Variants in STIM2 observed in about 807,000 individuals in gnomAD.
STIM2 encodes the protein stromal interaction molecule 2.
A neutral mutation model predicts 85.8 loss-of-function variants in STIM2; 31 were observed. That is an observed-to-expected ratio of 0.36 (90% CI 0.27 to 0.49). The LOEUF (loss-of-function observed/expected upper bound fraction) is 0.49. STIM2 is among the 20% of genes least tolerant of loss of function. The pLI, the probability that STIM2 is intolerant of heterozygous loss-of-function variation, is 0.98. For missense variants in STIM2, 841 were observed against 927.6 expected (o/e 0.91, Z 1.21); for synonymous variants, 356 against 331.1 (o/e 1.08, Z -0.82).
intron 2 of STIM2, among the ~76,000 whole-genome samples, chr4:26,930,304 G>A (rs889007291): frequency 2.6e-5 from 4 of 152,094 alleles, no homozygotes; most frequent in African/African-American, 9.7e-5. Flanking sequence ...CTCATTTTGT[G>A]ACTGAAAAGT....
intron 2 of STIM2, among the ~76,000 whole-genome samples, chr4:26,934,020 C>A (rs940756095): frequency 6.6e-6 from 1 of 151,942 alleles, no homozygotes; most frequent in African/African-American, 2.4e-5. Flanking sequence ...TTGCTGAAAC[C>A]TCGTCTCTAC....
At chr4:26,927,704 A>AG (rs1462452030) in intron 2 of STIM2, among the ~76,000 whole-genome samples, 20 of 128,162 alleles carry the variant, frequency 1.6e-4, no homozygotes, top group Non-Finnish European at 2.7e-4. Context: ...AAAAAAAAAA[A>AG]AAACTTGAAT....
chr4:26,967,134 A>G (rs1726754034), intron 3 of STIM2, among the ~76,000 whole-genome samples: 2 of 152,354 alleles, frequency 1.3e-5, no homozygotes, highest in Middle Eastern at 6.8e-3. Flanking sequence ...CACTTTTCAT[A>G]GAGGGAAATT....
chr4:26,880,874 C>G (rs1244554447), intron 1 of STIM2, among the ~76,000 whole-genome samples: 3 of 151,252 alleles, frequency 2.0e-5, no homozygotes, highest in Non-Finnish European at 4.4e-5. Flanking sequence ...TTTTATTCTT[C>G]TCTTGTATAC....
intron 1 of STIM2, among the ~76,000 whole-genome samples, chr4:26,893,863 T>C (rs1044699822): frequency 6.6e-6 from 1 of 152,148 alleles, no homozygotes; most frequent in African/African-American, 2.4e-5. Context: ...TGTTCATTTT[T>C]TTATTGAGTT....
chr4:26,877,564 G>A (rs1722858420), intron 1 of STIM2, among the ~76,000 whole-genome samples: 2 of 149,720 alleles, frequency 1.3e-5, no homozygotes, highest in African/African-American at 4.9e-5. Context: ...TTGAATGATA[G>A]AAGAACCTGT....
chr4:26,994,213 C>G (rs1309780577), intron 3 of STIM2, among the ~76,000 whole-genome samples: 2 of 152,222 alleles, frequency 1.3e-5, no homozygotes, highest in East Asian at 3.9e-4. Flanking sequence ...ACTTAAATGT[C>G]AAATGCATAC....
chr4:27,024,142 G>A lies in STIM2; in HGVS notation c.*1146G>A, dbSNP rs1031491028. 3.9e-5 allele frequency: 6 copies of A among 152,230 alleles called. No homozygotes were observed. Among genetic ancestry groups the A allele is most frequent in the African/African-American group, 1.4e-4 (6 of 41,428 alleles). 9.4% of individuals were successfully genotyped at this position (152,230 alleles called of 1,614,324 possible). A position where few individuals can be genotyped will look rare whatever the true frequency, so the allele number is the denominator to read the frequency against. ...TTTATGTAGTTTGAAATGTAAAAAT[G>A]TTCTAATATCAAGATTAACAAATAT... On this transcript the variant is annotated 3_prime_UTR_variant, in exon 12 of 12. Transcript: ENST00000467087.
intron 3 of STIM2, among the ~76,000 whole-genome samples, chr4:26,970,954 A>G (rs892793687): frequency 6.6e-6 from 1 of 152,136 alleles, no homozygotes; most frequent in South Asian, 2.1e-4. Context: ...ATGAGATGGT[A>G]TCTCATTGTG....
At chr4:26,873,834 G>A (rs540432210) in intron 1 of STIM2, 29 of 963,296 alleles carry the variant, frequency 3.0e-5, no homozygotes, top group Admixed American at 9.2e-5. Flanking sequence ...CTCAACCGCC[G>A]TAGTGGGTGG....
chr4:26,938,740 G>A (rs1358900373), intron 2 of STIM2, among the ~76,000 whole-genome samples: 1 of 152,148 alleles, frequency 6.6e-6, no homozygotes, highest in Non-Finnish European at 1.5e-5. Context: ...ATCTTCAGCA[G>A]TACTTTTTTG....
chr4:26,990,660 G>A (rs55728977), intron 3 of STIM2, among the ~76,000 whole-genome samples: 108 of 152,170 alleles, frequency 7.1e-4, no homozygotes, highest in Admixed American at 1.1e-3. Context: ...GACAACCTAT[G>A]GGGTGGGAGA....
chr4:26,940,633 T>A (rs1725576689), intron 2 of STIM2, among the ~76,000 whole-genome samples: 2 of 152,198 alleles, frequency 1.3e-5, no homozygotes, highest in Non-Finnish European at 2.9e-5. Flanking sequence ...TCTGCCTCTC[T>A]GAGTTGAGTT....
chr4:26,963,686 C>G (rs1039962399), intron 3 of STIM2, among the ~76,000 whole-genome samples: 1 of 152,076 alleles, frequency 6.6e-6, no homozygotes, highest in Non-Finnish European at 1.5e-5. Flanking sequence ...TTGCAGGAAT[C>G]TAAGAGAATG....
intron 1 of STIM2, chr4:26,874,050 A>T (rs1722727421): frequency 4.5e-6 from 3 of 669,814 alleles, no homozygotes; most frequent in Non-Finnish European, 5.7e-6. Flanking sequence ...GGACTCCTGG[A>T]TTCTCTGGGA....
chr4:26,993,386 T>C (rs1013561594), intron 3 of STIM2, among the ~76,000 whole-genome samples: 1 of 152,166 alleles, frequency 6.6e-6, no homozygotes, highest in African/African-American at 2.4e-5. Flanking sequence ...TATAAAACTA[T>C]CAGTTACCAC....
chr4:26,930,560 A>G (rs1560210680), intron 2 of STIM2, among the ~76,000 whole-genome samples: 1 of 152,136 alleles, frequency 6.6e-6, no homozygotes, highest in Non-Finnish European at 1.5e-5. Flanking sequence ...CATTGTACCT[A>G]GTATTTCAGT....
chr4:26,880,966 C>A (rs1054159290), intron 1 of STIM2, among the ~76,000 whole-genome samples: 3 of 151,798 alleles, frequency 2.0e-5, no homozygotes, highest in Non-Finnish European at 4.4e-5. Context: ...TCAGAAAGAA[C>A]CATTTTGGTA....
chr4:26,927,437 A>G (rs1724987074), intron 2 of STIM2, among the ~76,000 whole-genome samples: 1 of 28,232 alleles, frequency 3.5e-5, no homozygotes, highest in Non-Finnish European at 7.2e-5. Context: ...AGAACAAAAA[A>G]CCAAACACCG....
Sources: gnomAD v4.1 joint callset for allele counts (sites outside exome capture counted in the v4.1 genomes callset) on GRCh38, gnomAD v4.1.1 for gene constraint, MANE v1.5 for transcripts, NCBI Gene and HGNC (gene_info 2026-07-23, HGNC 2026-07-21) for gene names.